IST1: variants seen among roughly 807,000 people sequenced by gnomAD.
IST1 encodes the protein IST1 homolog.
A neutral mutation model predicts 37.0 loss-of-function variants in IST1; 23 were observed. That is an observed-to-expected ratio of 0.62 (90% CI 0.45 to 0.88). IST1 has a LOEUF of 0.88. Among genes scored for constraint, IST1 ranks in the 40% least tolerant of loss-of-function variants. The pLI is 0.00. For synonymous variants in IST1, 180 were observed against 161.7 expected (o/e 1.11, Z -0.86); for missense variants, 488 against 445.4 (o/e 1.10, Z -0.86).
intron 1 of IST1, among the ~76,000 whole-genome samples, chr16:71,908,162 T>A (rs2037268529): frequency 6.6e-6 from 1 of 152,100 alleles, no homozygotes; most frequent in South Asian, 2.1e-4. Context: ...CAGGCTGGTC[T>A]TGAACTCCTG....
At chr16:71,926,726 C>G (rs1053625808) in intron 9 of IST1, among the ~76,000 whole-genome samples, 1 of 152,164 alleles carries the variant, frequency 6.6e-6, no homozygotes, top group Non-Finnish European at 1.5e-5. Context: ...CTCAAAGTTC[C>G]CTTGTTGCCA....
At chr16:71,923,598 C>T (rs540510949) in intron 8 of IST1, 16 of 393,276 alleles carry the variant, frequency 4.1e-5, no homozygotes, top group Non-Finnish European at 4.6e-6. Flanking sequence ...TGCAATTAAG[C>T]CAGGAATCAG....
At chr16:71,912,595 A>G (rs2037382768) in intron 1 of IST1, among the ~76,000 whole-genome samples, 1 of 152,220 alleles carries the variant, frequency 6.6e-6, no homozygotes. Flanking sequence ...CTTGAGAATT[A>G]AAAATTTAAC....
chr16:71,901,434 C>G (rs142045701), intron 1 of IST1, among the ~76,000 whole-genome samples: 2 of 152,132 alleles, frequency 1.3e-5, no homozygotes, highest in African/African-American at 4.8e-5. Context: ...AGAATGGTCT[C>G]GATCTCCTGA....
upstream of IST1, chr16:71,895,372 C>T (rs2036940872): frequency 4.2e-6 from 1 of 238,718 alleles, no homozygotes; most frequent in Non-Finnish European, 6.8e-6. Flanking sequence ...TCCCCGGCCG[C>T]GCCGACTCCA....
intron 1 of IST1, among the ~76,000 whole-genome samples, chr16:71,896,169 C>A (rs139484250): frequency 1.6e-3 from 246 of 152,178 alleles, no homozygotes; most frequent in African/African-American, 5.7e-3. Flanking sequence ...TTTCTCGGAT[C>A]CCTGCGTGTG....
rs935347930 is a variant in IST1, at chr16:71,929,450, C to A, written c.*1637C>A. Reference sequence around the variant, plus strand: ...GATTCCTAACTTACAGAATTAAAAACAAAGTATATTATAATTTTAAAGCTA... The same window carrying A: ...GATTCCTAACTTACAGAATTAAAAAAAAAGTATATTATAATTTTAAAGCTA... On this transcript the variant is annotated 3_prime_UTR_variant, in exon 10 of 10. Transcript: ENST00000378799. The A allele has an allele frequency of 1.5e-6, 2 of 1,292,430 alleles. No individual in the cohort carries two copies. The highest frequency in any genetic ancestry group is 6.4e-5 in the Admixed American group (2 of 31,416). 80.1% of individuals were successfully genotyped at this position (1,292,430 alleles called of 1,614,324 possible). A position where few individuals can be genotyped will look rare whatever the true frequency, so the allele number is the denominator to read the frequency against.
intron 9 of IST1, 128 bp from the exon 10 acceptor site, chr16:71,927,486 C>CA (rs34382355): frequency 0.17 from 101,663 of 592,120 alleles, 2,819 homozygotes; most frequent in South Asian, 0.27. Flanking sequence ...GAGACTGTCT[C>CA]AAAAAAAAAA....
intron 9 of IST1, among the ~76,000 whole-genome samples, chr16:71,927,189 T>C (rs913822854): frequency 1.3e-5 from 2 of 152,210 alleles, no homozygotes; most frequent in African/African-American, 2.4e-5. Context: ...ATTCAAATGT[T>C]TATTAGCCTC....
chr16:71,924,214 T>C (rs1567474422), intron 8 of IST1: 2 of 455,250 alleles, frequency 4.4e-6, no homozygotes, highest in South Asian at 3.1e-5. Context: ...ACTTGGTTCT[T>C]AAGATATATT....
chr16:71,925,641 T>C (rs568626167), intron 9 of IST1, among the ~76,000 whole-genome samples: 1 of 152,152 alleles, frequency 6.6e-6, no homozygotes, highest in African/African-American at 2.4e-5. Context: ...AAAGCAATCA[T>C]GTTCATGTAG....
intron 1 of IST1, among the ~76,000 whole-genome samples, chr16:71,900,100 A>T (rs2037070203): frequency 6.7e-6 from 1 of 149,352 alleles, no homozygotes; most frequent in Non-Finnish European, 1.5e-5. Context: ...TGGGAGGTGG[A>T]GGTTGCAGTA....
At chr16:71,912,560 C>G (rs2037382006) in intron 1 of IST1, among the ~76,000 whole-genome samples, 1 of 152,094 alleles carries the variant, frequency 6.6e-6, no homozygotes, top group Admixed American at 6.6e-5. Context: ...TATGTTTATC[C>G]TATGTTAATA....
At chr16:71,897,300 C>G (rs757427495) in intron 1 of IST1, among the ~76,000 whole-genome samples, 1 of 151,884 alleles carries the variant, frequency 6.6e-6, no homozygotes, top group African/African-American at 2.4e-5. Context: ...TTTTGAATCC[C>G]CAGTGTTAGT....
upstream of IST1, chr16:71,894,636 C>G (rs866689370): frequency 5.7e-6 from 3 of 524,328 alleles, no homozygotes; most frequent in Middle Eastern, 1.6e-3. Context: ...AGCGATCTTC[C>G]TGCCTCAGCC....
At chr16:71,903,322 C>G (rs1410938617) in intron 1 of IST1, 1 of 152,090 alleles carries the variant, frequency 6.6e-6, no homozygotes, top group Non-Finnish European at 1.5e-5. Context: ...AATTTTTTCT[C>G]TAAGCACTGC....
At chr16:71,919,438 C>T (rs979531656) in intron 4 of IST1, among the ~76,000 whole-genome samples, 6 of 152,230 alleles carry the variant, frequency 3.9e-5, no homozygotes, top group Admixed American at 6.5e-5. Context: ...GGCTGGAGTG[C>T]AGTGGCACGA....
chr16:71,906,842 C>T lies in IST1; in HGVS notation c.-15-8784C>T, dbSNP rs145946926. Among the ~76,000 whole-genome samples the T allele has an allele frequency of 3.4e-3, 520 of 152,148 alleles. 2 individuals carry two copies. The highest frequency in any genetic ancestry group is 0.011 in the African/African-American group (477 of 41,502). On this transcript the variant is annotated intron_variant, in intron 1 of 9. Transcript: ENST00000378799. ...AATAGGTCCCTTGTAGGTAATGCAT[C>T]GTTTTTCCCAGACTGCTTTCAATAT...
intron 4 of IST1, among the ~76,000 whole-genome samples, chr16:71,920,190 A>G (rs916658318): frequency 1.3e-5 from 2 of 152,250 alleles, no homozygotes; most frequent in African/African-American, 4.8e-5. Context: ...AAGTACTAAC[A>G]TTCCCAAATA....
Sources: allele counts gnomAD v4.1 joint callset (sites outside exome capture counted in the v4.1 genomes callset), GRCh38; gene constraint gnomAD v4.1.1; transcripts MANE v1.5; gene names NCBI Gene and HGNC (gene_info 2026-07-23, HGNC 2026-07-21).